The following DNAAF4 variants were observed in gnomAD, a reference collection of about 807,000 sequenced individuals.
DNAAF4 encodes the protein dynein axonemal assembly factor 4.
DNAAF4 carries 43 observed loss-of-function variants against 51.8 expected under a neutral mutation model. The ratio of observed to expected loss-of-function variants is 0.83; its 90% CI spans 0.65 to 1.07. The LOEUF (loss-of-function observed/expected upper bound fraction) is 1.07. Ranked by LOEUF, DNAAF4 falls within the 50% of genes least tolerant of loss-of-function variation. DNAAF4 has a pLI of 0.00. For missense variants in DNAAF4, 581 were observed against 493.0 expected, an observed-to-expected ratio of 1.18 and a Z score of -1.69; for synonymous variants, 194 against 165.6, an observed-to-expected ratio of 1.17 and a Z score of -1.32.
At chr15:55,438,276 G>C (rs553792729) in intron 7 of DNAAF4, among the ~76,000 whole-genome samples, 1 of 151,598 alleles carries the variant, frequency 6.6e-6, no homozygotes, top group East Asian at 1.9e-4. Flanking sequence ...GCTTGAACCT[G>C]GGAGGTGGAG....
intron 4 of DNAAF4, among the ~76,000 whole-genome samples, chr15:55,469,895 T>A (rs539893001): frequency 3.8e-4 from 58 of 152,202 alleles, no homozygotes; most frequent in African/African-American, 1.3e-3. Flanking sequence ...CTCAATTCCA[T>A]AAGACAGTCT....
In DNAAF4 at chr15:55,434,956, A is replaced by G; in HGVS notation, c.996T>C (p.Ala332=). Reference sequence around the variant, plus strand: ...GTAAGTTTTTTAGTTTTAGGTGGCAAGCAGCCCGGTTCAAATACAATAGTG... The same window carrying G: ...GTAAGTTTTTTAGTTTTAGGTGGCAGGCAGCCCGGTTCAAATACAATAGTG... ...KMPLLYLNRA[A]CHLKLKNLHK... Residue 332 remains alanine (A), a synonymous_variant, in exon 8 of 10, where the codon GCT becomes GCC. Coordinates refer to ENST00000321149, the MANE Select transcript of DNAAF4 (RefSeq NM_130810.4). The G allele has an allele frequency of 6.2e-7, 1 of 1,613,230 alleles. No individual in the cohort carries two copies. The highest frequency in any genetic ancestry group is 1.7e-5 in the Admixed American group (1 of 59,802).
At chr15:55,440,147 G>T (rs1198099150) in intron 6 of DNAAF4, among the ~76,000 whole-genome samples, 2 of 151,952 alleles carry the variant, frequency 1.3e-5, no homozygotes, top group African/African-American at 2.4e-5. Flanking sequence ...CCACCTCCCA[G>T]GTTCAAGTGA....
At chr15:55,456,797 T>C (rs550409256) in intron 5 of DNAAF4, among the ~76,000 whole-genome samples, 5 of 152,154 alleles carry the variant, frequency 3.3e-5, no homozygotes, top group African/African-American at 7.2e-5. Flanking sequence ...TGAGCTGAAA[T>C]AGATTTAGGT....
At chr15:55,479,863 T>G (rs555297257) in intron 4 of DNAAF4, among the ~76,000 whole-genome samples, 1 of 152,178 alleles carries the variant, frequency 6.6e-6, no homozygotes, top group East Asian at 1.9e-4. Context: ...CCTCGTAAAT[T>G]TGTGGTCAGA....
At chr15:55,459,075 C>CAAAAAAA (rs35467433) in intron 5 of DNAAF4, among the ~76,000 whole-genome samples, 1 of 72,010 alleles carries the variant, frequency 1.4e-5, no homozygotes. Context: ...GACTCTGTCT[C>CAAAAAAA]AAAAAAAAAA....
At chr15:55,423,278 T>C (rs1327137760) in intron 7 of DNAAF4, among the ~76,000 whole-genome samples, 2 of 151,832 alleles carry the variant, frequency 1.3e-5, no homozygotes, top group African/African-American at 2.4e-5. Context: ...CACAGCTCAC[T>C]GTAACCTCAA....
At chr15:55,479,783 A>AAT (rs2058383103) in intron 4 of DNAAF4, among the ~76,000 whole-genome samples, 1 of 152,118 alleles carries the variant, frequency 6.6e-6, no homozygotes. Flanking sequence ...TGCAGTTGAG[A>AAT]TAAGGACTGA....
chr15:55,446,302 G>GT lies in DNAAF4; in HGVS notation c.783+3919_783+3920insA, dbSNP rs1228103488. ...GCGCTCCTCACATCCCAGACGGGGG[G>GT]GGGGGGCAGCTGGGCAGAGGCACTC... On this transcript the variant is annotated intron_variant, in intron 6 of 9. Coordinates refer to ENST00000321149, the MANE Select transcript of DNAAF4 (RefSeq NM_130810.4). 8.8e-4 allele frequency among the ~76,000 whole-genome samples: 100 copies of GT among 113,226 alleles called. 17 individuals are homozygous for GT. Among genetic ancestry groups the GT allele is most frequent in the African/African-American group, 2.9e-3 (84 of 29,124 alleles). The allele number at this position is 113,226 out of a possible 152,430, so 74.3% of individuals were successfully genotyped here.
At chr15:55,433,706 T>A (rs1452164027) in intron 8 of DNAAF4, among the ~76,000 whole-genome samples, 2 of 133,148 alleles carry the variant, frequency 1.5e-5, no homozygotes, top group Non-Finnish European at 3.1e-5. Context: ...CAAATATAAA[T>A]ATATTATATA....
At chr15:55,466,011 G>A (rs2141503940) in intron 5 of DNAAF4, among the ~76,000 whole-genome samples, 1 of 152,190 alleles carries the variant, frequency 6.6e-6, no homozygotes, top group East Asian at 1.9e-4. Context: ...TGGTTGATGG[G>A]TCCACCAAAA....
chr15:55,477,710 T>C (rs1470692029), intron 4 of DNAAF4, among the ~76,000 whole-genome samples: 1 of 151,912 alleles, frequency 6.6e-6, no homozygotes, highest in Non-Finnish European at 1.5e-5. Flanking sequence ...TTTTTATCTA[T>C]ATAGGTAAAA....
Position 55,418,135 on chromosome 15 carries a change from T to G in DNAAF4, c.1048-2A>C. Reference sequence around the variant, plus strand: ...AATGCCCTCAAGAGAACAGAATTCCTGAAAAAGGGAAGTGGGTGGGACTGA... The same window carrying G: ...AATGCCCTCAAGAGAACAGAATTCCGGAAAAAGGGAAGTGGGTGGGACTGA... On this transcript the variant is annotated splice_acceptor_variant, in intron 7 of 7. Transcript: ENST00000448430. LOFTEE classifies it high-confidence loss of function. The G allele has an allele frequency of 6.4e-7, 1 of 1,573,870 alleles. No homozygotes were observed. The highest frequency in any genetic ancestry group is 8.6e-7 in the Non-Finnish European group (1 of 1,167,624).
chr15:55,488,950 G>A (rs1239081097), intron 4 of DNAAF4, among the ~76,000 whole-genome samples: 3 of 152,030 alleles, frequency 2.0e-5, no homozygotes, highest in Non-Finnish European at 4.4e-5. Flanking sequence ...TTAGCCAGGC[G>A]TAGTGGCAGG....
chr15:55,466,905 C>T (rs1229622424), intron 5 of DNAAF4, 25 bp downstream of exon 5: 1 of 1,580,650 alleles, frequency 6.3e-7, no homozygotes, highest in Non-Finnish European at 8.5e-7. Context: ...GGACTCACTA[C>T]TCAAGAAATT....
At chr15:55,423,245 A>C (rs377590168) in intron 7 of DNAAF4, among the ~76,000 whole-genome samples, 2 of 151,396 alleles carry the variant, frequency 1.3e-5, no homozygotes, top group East Asian at 3.9e-4. Context: ...TCTGTCACCC[A>C]GGCTGGAGCG....
Position 55,475,733 on chromosome 15 carries a change from C to A in DNAAF4, c.406-8572G>T, listed in dbSNP as rs1466472147. ...CTCAACCCATACCAACATGAAACTA[C>A]CAAAAAGAACCTAGCAGTTTGTTGC... On this transcript the variant is annotated intron_variant, in intron 4 of 9. Transcript: ENST00000321149. Among the ~76,000 whole-genome samples the A allele has an allele frequency of 1.6e-4, 25 of 152,124 alleles. 1 individual carries two copies. Among genetic ancestry groups the A allele is most frequent in the Admixed American group, 1.6e-3 (25 of 15,264 alleles).
intron 5 of DNAAF4, among the ~76,000 whole-genome samples, chr15:55,451,972 C>G (rs184959672): frequency 1.1e-4 from 17 of 151,966 alleles, no homozygotes; most frequent in African/African-American, 4.1e-4. Context: ...TAGGTCTGGG[C>G]GCAGCGGCTC....
At chr15:55,479,194 C>T (rs1223413382) in intron 4 of DNAAF4, among the ~76,000 whole-genome samples, 1 of 151,284 alleles carries the variant, frequency 6.6e-6, no homozygotes, top group Non-Finnish European at 1.5e-5. Context: ...CTAAGCATAA[C>T]CACCTAAACT....
Sources: allele counts gnomAD v4.1 joint callset (sites outside exome capture counted in the v4.1 genomes callset), GRCh38; gene constraint gnomAD v4.1.1; transcripts MANE v1.5; gene names NCBI Gene and HGNC (gene_info 2026-07-23, HGNC 2026-07-21).